Variants in MMEL1 observed in about 807,000 individuals in gnomAD.
The protein encoded by MMEL1 is membrane metallo-endopeptidase-like 1.
A neutral mutation model predicts 117.1 loss-of-function variants in MMEL1; 98 were observed. That is an observed-to-expected ratio of 0.84 (90% CI 0.71 to 0.99). The LOEUF (loss-of-function observed/expected upper bound fraction) is 0.99. Among genes scored for constraint, MMEL1 ranks in the 50% least tolerant of loss-of-function variants. The pLI, the probability that MMEL1 is intolerant of heterozygous loss-of-function variation, is 0.00. For missense variants in MMEL1, 1,014 were observed against 1,049.1 expected (o/e 0.97, Z 0.46); for synonymous variants, 390 against 415.1 (o/e 0.94, Z 0.74).
rs114154141 is a variant in MMEL1, at chr1:2,610,741, C to T, written c.292+540G>A. ...TGGGCTGCACCCCCCGACCAAGAACCGTCCCTCAAATTCTGTCCAACTTGG... is the reference window on the plus strand; with the variant it reads ...TGGGCTGCACCCCCCGACCAAGAACTGTCCCTCAAATTCTGTCCAACTTGG... On this transcript the variant is annotated intron_variant, in intron 4 of 23. Transcript: ENST00000378412. 2.8e-3 allele frequency among the ~76,000 whole-genome samples: 432 copies of T among 152,310 alleles called. 1 individual carries two copies. Among genetic ancestry groups the T allele is most frequent in the Middle Eastern group, 0.01 (3 of 294 alleles).
At chr1:2,615,271 G>A (rs1371336143) in intron 2 of MMEL1, among the ~76,000 whole-genome samples, 1 of 152,164 alleles carries the variant, frequency 6.6e-6, no homozygotes. Flanking sequence ...ACTACCTCCA[G>A]CCAGGCAATT....
At chr1:2,629,681 C>T (rs1281206995) in intron 1 of MMEL1, 160 bp from the exon 2 acceptor site, 3 of 609,904 alleles carry the variant, frequency 4.9e-6, no homozygotes, top group Non-Finnish European at 8.0e-6. Context: ...GTGACTGGGT[C>T]CCGGGACTTT....
intron 6 of MMEL1, 27 bp downstream of exon 6, chr1:2,609,311 CG>C (rs747826220): frequency 1.3e-6 from 2 of 1,597,790 alleles, no homozygotes; most frequent in South Asian, 2.2e-5. Flanking sequence ...TCCCCTGCCT[CG>C]GCCCCTTCCT....
Position 2,596,574 on chromosome 1 carries a change from T to A in MMEL1, c.1388A>T (p.Asp463Val). 1 of 1,611,072 alleles carries A rather than the reference T, an allele frequency of 6.2e-7. No homozygotes were observed. The highest frequency in any genetic ancestry group is 1.3e-5 in the African/African-American group (1 of 74,976). Reference protein sequence around the residue: ...SLYVREAFPGDSKSMVRELID... With the variant: ...SLYVREAFPGVSKSMVRELID... ...AGGGGCGCCCACCATGCTCTTGCTG[T>A]CTCCAGGGAACGCCTCCCTGACGTA... The change falls in exon 14 of 24, where the codon GAC becomes GTC. Residue 463 changes from aspartate to valine, a missense_variant. Transcript: ENST00000378412.
At chr1:2,609,138 C>T (rs560822463) in intron 6 of MMEL1, among the ~76,000 whole-genome samples, 1 of 152,018 alleles carries the variant, frequency 6.6e-6, no homozygotes, top group South Asian at 2.1e-4. Context: ...TGAGTGAGGC[C>T]GCAGGGCAGC....
At chr1:2,613,776 G>A (rs892328169) in intron 2 of MMEL1, among the ~76,000 whole-genome samples, 13 of 152,098 alleles carry the variant, frequency 8.5e-5, no homozygotes, top group Admixed American at 2.0e-4. Flanking sequence ...GCTTGAGCCC[G>A]GGAGGTTGAG....
chr1:2,631,495 G>A (rs137900517), intron 1 of MMEL1, among the ~76,000 whole-genome samples: 9 of 152,156 alleles, frequency 5.9e-5, no homozygotes, highest in Non-Finnish European at 1.2e-4. Context: ...TGCAAAGGTG[G>A]CTGGGCCAGC....
intron 11 of MMEL1, among the ~76,000 whole-genome samples, chr1:2,599,794 T>C (rs1414799961): frequency 6.6e-6 from 1 of 150,724 alleles, no homozygotes; most frequent in African/African-American, 2.4e-5. Flanking sequence ...GAGGCAGAGG[T>C]TATGGTGAGC....
At chr1:2,617,192 C>T (rs1464752565) in intron 2 of MMEL1, among the ~76,000 whole-genome samples, 1 of 151,908 alleles carries the variant, frequency 6.6e-6, no homozygotes, top group Non-Finnish European at 1.5e-5. Context: ...CTTTGGGAGG[C>T]CGAGGCGGGC....
At chr1:2,593,727 G>T in intron 19 of MMEL1, 87 bp downstream of exon 19, 2 of 1,459,726 alleles carry the variant, frequency 1.4e-6, no homozygotes, top group South Asian at 1.5e-5. Flanking sequence ...ACCGTGAAGG[G>T]GTTGAATGGA....
At chr1:2,598,135 A>AAT in intron 13 of MMEL1, 72 bp downstream of exon 13, 2 of 1,397,240 alleles carry the variant, frequency 1.4e-6, no homozygotes, top group South Asian at 1.2e-5. Context: ...GTGTTTGCCT[A>AAT]CAGCTTATGC....
intron 2 of MMEL1, 139 bp downstream of exon 2, chr1:2,629,192 T>C (rs1439888999): frequency 5.5e-6 from 5 of 912,390 alleles, no homozygotes; most frequent in Non-Finnish European, 7.7e-6. Flanking sequence ...CGGGAGCCCC[T>C]GGGTGCCCAG....
intron 22 of MMEL1, 143 bp from the exon 23 acceptor site, chr1:2,591,776 T>C (rs1242114281): frequency 1.9e-5 from 20 of 1,032,178 alleles, no homozygotes; most frequent in African/African-American, 4.7e-5. Context: ...CCCATCAGCA[T>C]TGAAATCCTG....
chr1:2,593,807 C>G lies in MMEL1; in HGVS notation c.1867+7G>C. Reference sequence around the variant, plus strand: ...GGGCGTGTGTGATTGGAGGGGCGGCCGCTCACCATTGTCGTCAAAGCCGTG... The same window carrying G: ...GGGCGTGTGTGATTGGAGGGGCGGCGGCTCACCATTGTCGTCAAAGCCGTG... On this transcript the variant is annotated splice_region_variant and intron_variant, in intron 19 of 23. Coordinates refer to ENST00000378412, the MANE Select transcript of MMEL1 (RefSeq NM_033467.4). The G allele has an allele frequency of 1.3e-6, 2 of 1,595,598 alleles. No homozygotes were observed. Among genetic ancestry groups the G allele is most frequent in the Non-Finnish European group, 1.7e-6 (2 of 1,168,898 alleles).
At chr1:2,626,292 T>C (rs1295252077) in intron 2 of MMEL1, among the ~76,000 whole-genome samples, 1 of 152,196 alleles carries the variant, frequency 6.6e-6, no homozygotes, top group East Asian at 1.9e-4. Flanking sequence ...ACTGTGAGCC[T>C]GGGTGCTAGC....
chr1:2,604,469 C>T (rs1006578756), intron 9 of MMEL1, among the ~76,000 whole-genome samples, 188 bp from the exon 10 acceptor site: 1 of 152,196 alleles, frequency 6.6e-6, no homozygotes, highest in Non-Finnish European at 1.5e-5. Flanking sequence ...GACCTGTGCC[C>T]GAGCCACTGG....
At chr1:2,601,881 A>G (rs1644937341) in intron 11 of MMEL1, among the ~76,000 whole-genome samples, 1 of 152,248 alleles carries the variant, frequency 6.6e-6, no homozygotes, top group Non-Finnish European at 1.5e-5. Context: ...ACGGCTGAGA[A>G]CGGACACCAC....
At chr1:2,607,105 C>G in intron 6 of MMEL1, 36 bp from the exon 7 acceptor site, 1 of 1,575,398 alleles carries the variant, frequency 6.3e-7, no homozygotes, top group Non-Finnish European at 8.7e-7. Flanking sequence ...TCCCAGCCTC[C>G]CTGTGGCTCA....
intron 2 of MMEL1, among the ~76,000 whole-genome samples, chr1:2,616,902 A>G (rs1048098252): frequency 6.6e-5 from 10 of 152,276 alleles, no homozygotes; most frequent in African/African-American, 2.4e-4. Context: ...GAAACCCCCA[A>G]GGAAATTCAC....
Sources: allele counts gnomAD v4.1 joint callset (sites outside exome capture counted in the v4.1 genomes callset), GRCh38; gene constraint gnomAD v4.1.1; transcripts MANE v1.5; gene names NCBI Gene and HGNC (gene_info 2026-07-23, HGNC 2026-07-21).